ABI3BP: variants seen among roughly 807,000 people sequenced by gnomAD.
The protein encoded by ABI3BP is target of Nesh-SH3.
A neutral mutation model predicts 268.6 loss-of-function variants in ABI3BP; 216 were observed. That is an observed-to-expected ratio of 0.80 (90% confidence interval 0.72 to 0.90). The LOEUF (loss-of-function observed/expected upper bound fraction) is 0.90, where lower values mean the gene tolerates loss of function less well. Ranked by LOEUF, ABI3BP falls within the 40% of genes least tolerant of loss-of-function variation. ABI3BP has a pLI of 0.00. For synonymous variants in ABI3BP, 730 were observed against 730.0 expected, an observed-to-expected ratio of 1.00 and a Z score of 0.00; for missense variants, 2,090 against 2,182.4, an observed-to-expected ratio of 0.96 and a Z score of 0.84.
At chr3:100,820,047 G>T (rs1020564652) in intron 40 of ABI3BP, among the ~76,000 whole-genome samples, 173 bp downstream of exon 40, 1 of 151,314 alleles carries the variant, frequency 6.6e-6, no homozygotes. Context: ...CTGCCACAAA[G>T]ATCTATCCCA....
chr3:100,911,794 G>GA, intron 2 of ABI3BP: 1 of 1,358,426 alleles, frequency 7.4e-7, no homozygotes, highest in East Asian at 2.3e-5. Flanking sequence ...GTTAATAGCA[G>GA]AAAAATAAGT....
chr3:100,773,700 C>A (rs1292487335), intron 61 of ABI3BP, among the ~76,000 whole-genome samples: 1 of 152,174 alleles, frequency 6.6e-6, no homozygotes, highest in Non-Finnish European at 1.5e-5. Context: ...GCCACGAATG[C>A]ATTTACTAAA....
At chr3:100,761,433 G>T (rs1387753869) in intron 63 of ABI3BP, among the ~76,000 whole-genome samples, 1 of 152,060 alleles carries the variant, frequency 6.6e-6, no homozygotes, top group African/African-American at 2.4e-5. Context: ...GCCACCTTTG[G>T]AGCTGCACCC....
intron 63 of ABI3BP, among the ~76,000 whole-genome samples, chr3:100,763,566 C>A (rs948758332): frequency 6.6e-6 from 1 of 152,046 alleles, no homozygotes; most frequent in Non-Finnish European, 1.5e-5. Context: ...TCAGAAGGCC[C>A]ACTGACAAAA....
rs890795217 is a variant in ABI3BP at position 100,846,321 on chromosome 3, C to A, written c.1723+51G>T. 18 of 1,237,892 alleles carry A rather than the reference C, an allele frequency of 1.5e-5. No individual in the cohort carries two copies. The African/African-American group carries it at 2.1e-4, about 15-fold the overall frequency. 76.7% of individuals were successfully genotyped at this position (1,237,892 alleles called of 1,614,324 possible). ...TCTTGCTCCAAATAATTGCAAAGAACTTGTTTTCAACCCCACTTTTGGAAT... is the reference window on the plus strand; with the variant it reads ...TCTTGCTCCAAATAATTGCAAAGAAATTGTTTTCAACCCCACTTTTGGAAT... On this transcript the variant is annotated intron_variant, in intron 20 of 67. Transcript: ENST00000471714.
chr3:100,763,829 A>G (rs1420609124), intron 63 of ABI3BP, among the ~76,000 whole-genome samples: 1 of 152,224 alleles, frequency 6.6e-6, no homozygotes, highest in African/African-American at 2.4e-5. Flanking sequence ...ACAAAAAGTT[A>G]TTTTTTATTA....
At chr3:100,854,457 A>G (rs1041780794) in intron 14 of ABI3BP, among the ~76,000 whole-genome samples, 6 of 152,192 alleles carry the variant, frequency 3.9e-5, no homozygotes, top group African/African-American at 1.4e-4. Flanking sequence ...TTTCTTTATA[A>G]AACCCTTCTA....
intron 9 of ABI3BP, among the ~76,000 whole-genome samples, chr3:100,873,213 G>A (rs530689496): frequency 6.6e-6 from 1 of 152,182 alleles, no homozygotes; most frequent in African/African-American, 2.4e-5. Context: ...GCAAAGTTAA[G>A]TGTCTGGATA....
At chr3:100,838,867 A>G (rs2098648480) in intron 24 of ABI3BP, among the ~76,000 whole-genome samples, 1 of 152,216 alleles carries the variant, frequency 6.6e-6, no homozygotes, top group South Asian at 2.1e-4. Context: ...GAAATTACAC[A>G]TGAGAAATAA....
chr3:100,812,791 A>T (rs1035329751), intron 45 of ABI3BP, among the ~76,000 whole-genome samples: 2 of 152,162 alleles, frequency 1.3e-5, no homozygotes, highest in African/African-American at 4.8e-5. Flanking sequence ...AAGAAATTAC[A>T]GTCCTACGGA....
Position 100,752,854 on chromosome 3 carries a change from T to G in ABI3BP, c.5055A>C (p.Lys1685Asn). The change falls in exon 66 of 68, where the codon AAA becomes AAC. Residue 1685 changes from lysine (K) to asparagine (N), a missense_variant. Lys to Asn is a moderately conservative substitution (Grantham distance 94). Transcript: ENST00000471714. ...TGCACAGCTGCACTCCTACAAATTTTTTATACCATGTCCTTTTGACATATT... is the reference window on the plus strand; with the variant it reads ...TGCACAGCTGCACTCCTACAAATTTGTTATACCATGTCCTTTTGACATATT... ...GKQYVKRTWY[K>N]KFVGVQLCNS... The G allele has an allele frequency of 3.1e-6, 5 of 1,613,652 alleles. No individual in the cohort carries two copies. Among genetic ancestry groups the G allele is most frequent in the Non-Finnish European group, 4.2e-6 (5 of 1,179,752 alleles).
At chr3:100,822,091 T>C (rs2098248889) in intron 38 of ABI3BP, among the ~76,000 whole-genome samples, 1 of 152,152 alleles carries the variant, frequency 6.6e-6, no homozygotes, top group African/African-American at 2.4e-5. Context: ...GCACATCTTG[T>C]TGATAGCACT....
chr3:100,952,450 T>C (rs932569050), intron 1 of ABI3BP, among the ~76,000 whole-genome samples: 14 of 152,180 alleles, frequency 9.2e-5, no homozygotes, highest in Non-Finnish European at 2.1e-4. Flanking sequence ...GATGTTTGCC[T>C]TTCATATGTA....
chr3:100,787,821 T>G lies in ABI3BP; in HGVS notation c.4088-19A>C. On this transcript the variant is annotated intron_variant, in intron 56 of 67. Coordinates refer to ENST00000471714, the MANE Select transcript of ABI3BP (RefSeq NM_001375547.2). Reference sequence around the variant, plus strand: ...TTCAGAACTAAAATAAAGTGGGATATAAATAGTTCATTTTCTTATTGAAAG... The same window carrying G: ...TTCAGAACTAAAATAAAGTGGGATAGAAATAGTTCATTTTCTTATTGAAAG... 6.8e-7 allele frequency: 1 copy of G among 1,466,450 alleles called. No homozygotes were observed. Among genetic ancestry groups the G allele is most frequent in the Non-Finnish European group, 9.0e-7 (1 of 1,110,232 alleles). The allele number at this position is 1,466,450 out of a possible 1,614,324, so 90.8% of individuals were successfully genotyped here. A position where few individuals can be genotyped will look rare whatever the true frequency, so the allele number is the denominator to read the frequency against.
intron 2 of ABI3BP, among the ~76,000 whole-genome samples, chr3:100,925,709 A>G (rs1013232833): frequency 2.0e-5 from 3 of 152,080 alleles, no homozygotes; most frequent in African/African-American, 7.2e-5. Context: ...ACACTGTGCC[A>G]GGCTTAAAAA....
intron 36 of ABI3BP, 105 bp from the exon 37 acceptor site, chr3:100,823,619 C>CAACA (rs1553918856): frequency 5.5e-6 from 4 of 732,102 alleles, no homozygotes; most frequent in Non-Finnish European, 8.3e-6. Flanking sequence ...TCCAGAGAAA[C>CAACA]AAAAAAAAAA....
At chr3:100,753,977 A>G (rs560951938) in intron 64 of ABI3BP, 129 bp from the exon 65 acceptor site, 250 of 967,040 alleles carry the variant, frequency 2.6e-4, no homozygotes, top group Non-Finnish European at 3.6e-4. Flanking sequence ...TCTTTTGCTA[A>G]GGATTGAATT....
At chr3:100,773,077 CAA>C (rs563600769) in intron 61 of ABI3BP, among the ~76,000 whole-genome samples, 2 of 58,120 alleles carry the variant, frequency 3.4e-5, no homozygotes, top group African/African-American at 6.7e-5. Flanking sequence ...GAGTCCATCT[CAA>C]AAAAAAAAAA....
At position 100,953,164 on chromosome 3, in the gene ABI3BP, C is replaced by A. The variant is rs142138020; in HGVS notation, c.80-26683G>T. On this transcript the variant is annotated intron_variant, in intron 1 of 67. Transcript: ENST00000471714. ...TTTGTCTCCTGTGCCTACATAATAT[C>A]CAAAGGCTTGGCCTGAAAAGACCAG... 4.3e-3 allele frequency among the ~76,000 whole-genome samples: 649 copies of A among 152,278 alleles called. 2 individuals carry two copies. Among genetic ancestry groups the A allele is most frequent in the African/African-American group, 0.014 (602 of 41,576 alleles).
Sources: gnomAD v4.1 joint callset for allele counts (sites outside exome capture counted in the v4.1 genomes callset) on GRCh38, gnomAD v4.1.1 for gene constraint, MANE v1.5 for transcripts, NCBI Gene and HGNC (gene_info 2026-07-23, HGNC 2026-07-21) for gene names.